Variants in LRGUK observed in about 807,000 individuals in gnomAD.
The protein encoded by LRGUK is leucine rich repeats and guanylate kinase domain containing, also known as leucine-rich repeat and guanylate kinase domain-containing protein.
In LRGUK, 65 loss-of-function variants were observed where a neutral mutation model predicts 76.0. The ratio of observed to expected loss-of-function variants is 0.85; its 90% CI spans 0.70 to 1.05. The LOEUF (loss-of-function observed/expected upper bound fraction) is 1.05, where lower values mean the gene tolerates loss of function less well. LRGUK is among the 50% of genes least tolerant of loss of function. The pLI, the probability that LRGUK is intolerant of heterozygous loss-of-function variation, is 0.00. For missense variants in LRGUK, 758 were observed against 732.8 expected (o/e 1.03, Z -0.40); for synonymous variants, 268 against 265.6 (o/e 1.01, Z -0.09).
At chr7:134,266,887 T>C (rs1264766604), downstream of LRGUK, among the ~76,000 whole-genome samples, 3 of 152,082 alleles carry the variant, frequency 2.0e-5, no homozygotes, top group Non-Finnish European at 4.4e-5. Flanking sequence ...CACAAAATCT[T>C]AAAGCAATGA....
At chr7:134,163,654 G>A in intron 7 of LRGUK, 114 bp downstream of exon 7, 1 of 910,788 alleles carries the variant, frequency 1.1e-6, no homozygotes, top group Non-Finnish European at 1.5e-6. Flanking sequence ...TTAAATGTCA[G>A]CTTAGAAATA....
At chr7:134,143,085 C>G (rs1164473592) in exon 4 of LRGUK, 1 of 1,601,242 alleles carries the variant, frequency 6.2e-7, no homozygotes, top group South Asian at 1.1e-5. Context: ...GAGTTGTATG[C>G]CTTATCTCCT....
chr7:134,272,724 A>T, the LRGUK span, among the ~76,000 whole-genome samples: 1 of 152,216 alleles, frequency 6.6e-6, no homozygotes, highest in African/African-American at 2.4e-5. Context: ...TGTCTGAATG[A>T]CAGTACTATC....
chr7:134,178,397 T>C (rs1355167864), intron 9 of LRGUK, 106 bp from the exon 10 acceptor site: 4 of 689,510 alleles, frequency 5.8e-6, no homozygotes, highest in African/African-American at 5.4e-5. Flanking sequence ...TTATTTTGTG[T>C]ACCTGGCTGC....
chr7:134,134,488 T>A (rs948606121), intron 1 of LRGUK, among the ~76,000 whole-genome samples: 2 of 152,158 alleles, frequency 1.3e-5, no homozygotes, highest in Admixed American at 6.5e-5. Context: ...TACTGCCAAA[T>A]GTCAGGAACA....
exon 7 of LRGUK, chr7:134,163,482 G>T: frequency 6.2e-7 from 1 of 1,613,966 alleles, no homozygotes; most frequent in Non-Finnish European, 8.5e-7. Flanking sequence ...CAGATAAGCA[G>T]CCTCCAAGGC....
At chr7:134,159,673 C>G (rs1163559573) in intron 6 of LRGUK, among the ~76,000 whole-genome samples, 1 of 152,150 alleles carries the variant, frequency 6.6e-6, no homozygotes, top group African/African-American at 2.4e-5. Flanking sequence ...CCTGTCATCC[C>G]AGCTACTCGG....
At chr7:134,207,100 C>T (rs536108195) in intron 15 of LRGUK, among the ~76,000 whole-genome samples, 23 of 152,158 alleles carry the variant, frequency 1.5e-4, no homozygotes, top group Non-Finnish European at 2.6e-4. Flanking sequence ...AGCTTTAGCA[C>T]AGGATTTCAT....
chr7:134,195,605 C>T (rs80030937), intron 12 of LRGUK, among the ~76,000 whole-genome samples: 2,558 of 152,214 alleles, frequency 0.017, 70 homozygotes, highest in African/African-American at 0.053. Flanking sequence ...TGGCAGTCTG[C>T]TTCCTTGAAG....
intron 13 of LRGUK, among the ~76,000 whole-genome samples, chr7:134,198,228 G>A (rs1354224862): frequency 6.6e-6 from 1 of 152,102 alleles, no homozygotes; most frequent in African/African-American, 2.4e-5. Context: ...AAAAATAAAA[G>A]GTCTTTTCTA....
Position 134,177,413 on chromosome 7 carries a change from AC to A in LRGUK, c.1107+352del, listed in dbSNP as rs1585498383. Among the ~76,000 whole-genome samples, 7 of 152,306 alleles carry A rather than the reference AC, an allele frequency of 4.6e-5. No individual in the cohort carries two copies. In the South Asian group the frequency reaches 1.0e-3, roughly 23 times the overall value. On this transcript the variant is annotated intron_variant, in intron 9 of 15. Coordinates refer to ENST00000645682, the Ensembl canonical transcript of LRGUK. ...GAAGGTGTATGATTCTATCTGTGTT[AC>A]CTGAAAAATTCATTTAACAATAAAA...
At chr7:134,239,172 T>C (rs2544168) in intron 16 of LRGUK, among the ~76,000 whole-genome samples, 10,989 of 152,218 alleles carry the variant, frequency 0.072, 976 homozygotes, top group African/African-American at 0.2. Context: ...GGGTGATTTC[T>C]GCATTTCCAA....
At chr7:134,258,427 G>T in intron 19 of LRGUK, 22 bp downstream of exon 19, 1 of 1,609,834 alleles carries the variant, frequency 6.2e-7, no homozygotes, top group South Asian at 1.1e-5. Context: ...GCCAAGCGCG[G>T]TGGCTCATGC....
intron 11 of LRGUK, among the ~76,000 whole-genome samples, chr7:134,188,420 T>C (rs1182767254): frequency 1.3e-5 from 2 of 152,144 alleles, no homozygotes; most frequent in Non-Finnish European, 2.9e-5. Flanking sequence ...TGATCACATT[T>C]GCATTTTAGA....
At chr7:134,255,664 G>A (rs992083069) in intron 18 of LRGUK, among the ~76,000 whole-genome samples, 2 of 152,106 alleles carry the variant, frequency 1.3e-5, no homozygotes, top group Non-Finnish European at 2.9e-5. Context: ...CACATTCTCT[G>A]TGGCTTTCTA....
intron 1 of LRGUK, among the ~76,000 whole-genome samples, chr7:134,131,380 G>A (rs557871088): frequency 2.6e-5 from 4 of 152,312 alleles, no homozygotes; most frequent in Admixed American, 6.5e-5. Flanking sequence ...ATAAGAATGC[G>A]AGTAAATCAT....
At chr7:134,258,493 T>A in intron 19 of LRGUK, 88 bp downstream of exon 19, 1 of 1,287,358 alleles carries the variant, frequency 7.8e-7, no homozygotes, top group Non-Finnish European at 1.1e-6. Flanking sequence ...ACGTCAGGAG[T>A]TCGAGACCAG....
chr7:134,143,845 G>A (rs376487802), intron 4 of LRGUK, among the ~76,000 whole-genome samples: 2 of 152,170 alleles, frequency 1.3e-5, no homozygotes, highest in African/African-American at 4.8e-5. Flanking sequence ...CTTGTGAAAA[G>A]GGAATTCTGA....
exon 15 of LRGUK, chr7:134,201,565 C>T: frequency 6.2e-7 from 1 of 1,612,610 alleles, no homozygotes; most frequent in Non-Finnish European, 8.5e-7. Context: ...AAGAGTTTGG[C>T]TACAACTGCA....
Sources: gnomAD v4.1 joint callset for allele counts (sites outside exome capture counted in the v4.1 genomes callset) on GRCh38, gnomAD v4.1.1 for gene constraint, MANE v1.5 for transcripts, NCBI Gene and HGNC (gene_info 2026-07-23, HGNC 2026-07-21) for gene names.